Variants in CDA observed in about 807,000 individuals in gnomAD.
CDA encodes the protein cytidine deaminase, also known as cytidine aminohydrolase.
CDA carries 7 observed loss-of-function variants against 15.0 expected under a neutral mutation model. That is an observed-to-expected ratio of 0.47 (90% CI 0.26 to 0.87). CDA has a LOEUF of 0.87. CDA is among the 40% of genes least tolerant of loss of function. The pLI is 0.15. For synonymous variants in CDA, 58 were observed against 73.0 expected (o/e 0.79, Z 1.05); for missense variants, 159 against 182.7 (o/e 0.87, Z 0.75).
chr1:20,593,762 A>T (rs1466357354), intron 1 of CDA, among the ~76,000 whole-genome samples: 1 of 152,144 alleles, frequency 6.6e-6, no homozygotes, highest in Non-Finnish European at 1.5e-5. Context: ...TTTTATAGCG[A>T]TGAGGTCTTG....
intron 1 of CDA, among the ~76,000 whole-genome samples, chr1:20,591,837 G>T (rs1208426943): frequency 6.9e-6 from 1 of 145,002 alleles, no homozygotes; most frequent in African/African-American, 2.6e-5. Flanking sequence ...ATTTATTTAT[G>T]GGTTTTTTTT....
rs937616505 is a variant in CDA, at chr1:20,605,005, G to A, written c.232G>A (p.Gly78Arg). 1 of 1,613,734 alleles carries A rather than the reference G, an allele frequency of 6.2e-7. No individual in the cohort carries two copies. Among genetic ancestry groups the A allele is most frequent in the Non-Finnish European group, 8.5e-7 (1 of 1,179,822 alleles). ...CGCTATCCAGAAGGCCGTCTCAGAA[G>A]GGTACAAGGATTTCAGGGCAATTGC... ...RTAIQKAVSE[G>R]YKDFRAIAIA... is the part of the protein sequence containing the mutation. Residue 78 changes from glycine (G) to arginine (R), a missense_variant, in exon 2 of 4, where the codon GGG becomes AGG. Physicochemically the swap from Gly to Arg is moderately radical, Grantham distance 125 (BLOSUM62 -2). Coordinates refer to ENST00000375071, the MANE Select transcript of CDA (RefSeq NM_001785.3).
intron 1 of CDA, among the ~76,000 whole-genome samples, chr1:20,595,032 G>T (rs2052581026): frequency 6.6e-6 from 1 of 152,110 alleles, no homozygotes; most frequent in African/African-American, 2.4e-5. Flanking sequence ...GCCAGAAAGG[G>T]TCCCAGGATG....
At chr1:20,610,261 C>CTTTTTTTTTTTTTTTTTTT (rs760754305) in intron 2 of CDA, among the ~76,000 whole-genome samples, 9 of 62,924 alleles carry the variant, frequency 1.4e-4, no homozygotes, top group Admixed American at 2.2e-4. Context: ...CACACATTAT[C>CTTTTTTTTTTTTTTTTTTT]TTTTTTTTTT....
At chr1:20,599,188 G>T (rs952497186) in intron 1 of CDA, among the ~76,000 whole-genome samples, 2 of 152,176 alleles carry the variant, frequency 1.3e-5, no homozygotes, top group Admixed American at 1.3e-4. Context: ...AGGCCCTGTG[G>T]CAGGAGCATA....
intron 1 of CDA, among the ~76,000 whole-genome samples, chr1:20,602,412 A>C (rs2052652748): frequency 6.8e-6 from 1 of 145,994 alleles, no homozygotes; most frequent in African/African-American, 2.6e-5. Flanking sequence ...TCACACCCAC[A>C]TCATGGTTTT....
chr1:20,611,658 C>T (rs750198698), intron 2 of CDA, among the ~76,000 whole-genome samples: 25 of 152,072 alleles, frequency 1.6e-4, no homozygotes, highest in Non-Finnish European at 3.5e-4. Context: ...GGATTATAGG[C>T]GTGAGCCACT....
chr1:20,607,087 T>C (rs2052701062), intron 2 of CDA, among the ~76,000 whole-genome samples: 1 of 152,146 alleles, frequency 6.6e-6, no homozygotes, highest in African/African-American at 2.4e-5. Flanking sequence ...TGGAGTTAAT[T>C]CCTGTGGTAG....
At chr1:20,594,379 C>A (rs548174144) in intron 1 of CDA, among the ~76,000 whole-genome samples, 1 of 151,134 alleles carries the variant, frequency 6.6e-6, no homozygotes, top group African/African-American at 2.4e-5. Flanking sequence ...TGGGGAGAGC[C>A]GAGGGAGAGG....
At chr1:20,596,959 G>T (rs1336308926) in intron 1 of CDA, among the ~76,000 whole-genome samples, 1 of 151,872 alleles carries the variant, frequency 6.6e-6, no homozygotes, top group Non-Finnish European at 1.5e-5. Flanking sequence ...ACTGGGTTTT[G>T]ACATGTTGCC....
chr1:20,592,230 C>T (rs1037438587), intron 1 of CDA, among the ~76,000 whole-genome samples: 2 of 152,118 alleles, frequency 1.3e-5, no homozygotes, highest in Admixed American at 6.6e-5. Flanking sequence ...ATGCCTGGCA[C>T]GACACGGCAT....
intron 2 of CDA, among the ~76,000 whole-genome samples, chr1:20,607,600 G>A (rs993143643): frequency 6.6e-6 from 1 of 152,206 alleles, no homozygotes; most frequent in African/African-American, 2.4e-5. Flanking sequence ...CCAAATGAGA[G>A]GCTTTTTCTC....
At position 20,604,982 on chromosome 1, in the gene CDA, C is replaced by A. The variant is rs1489631442; in HGVS notation, c.209C>A (p.Ala70Asp). The A allele has an allele frequency of 4.3e-6, 7 of 1,614,040 alleles. No homozygotes were observed. In the South Asian group the frequency reaches 7.7e-5, roughly 18 times the overall value. ...CTGGGCATCTGTGCTGAACGGACCG[C>A]TATCCAGAAGGCCGTCTCAGAAGGG... Reference protein sequence around the residue: ...YPLGICAERTAIQKAVSEGYK... With the variant: ...YPLGICAERTDIQKAVSEGYK... Residue 70 changes from alanine (A) to aspartate (D), a missense_variant, in exon 2 of 4, where the codon GCT (alanine) becomes GAT (aspartate). Coordinates refer to ENST00000375071, the MANE Select transcript of CDA (RefSeq NM_001785.3).
At chr1:20,612,983 T>C (rs1346918066) in intron 2 of CDA, among the ~76,000 whole-genome samples, 1 of 149,716 alleles carries the variant, frequency 6.7e-6, no homozygotes, top group Admixed American at 6.7e-5. Flanking sequence ...GGACTCTCTT[T>C]ACACAGACGT....
At chr1:20,592,441 G>A (rs372078873) in intron 1 of CDA, among the ~76,000 whole-genome samples, 1 of 152,218 alleles carries the variant, frequency 6.6e-6, no homozygotes, top group Non-Finnish European at 1.5e-5. Context: ...GAGGCAGATT[G>A]TGGAGGACTT....
In CDA at chr1:20,613,838, C is replaced by A; in HGVS notation, c.267-4C>A. 1 of 1,613,746 alleles carries A rather than the reference C, an allele frequency of 6.2e-7. No individual in the cohort carries two copies. The highest frequency in any genetic ancestry group is 1.1e-5 in the South Asian group (1 of 91,042). ...AATTTGAGTTTGATTCTTTGCTTCC[C>A]CAGTGACATGCAAGATGATTTTATC... On this transcript the variant is annotated splice_region_variant and splice_polypyrimidine_tract_variant and intron_variant, in intron 2 of 3. Transcript: ENST00000375071.
At chr1:20,600,125 A>G (rs1481111194) in intron 1 of CDA, among the ~76,000 whole-genome samples, 1 of 152,212 alleles carries the variant, frequency 6.6e-6, no homozygotes, top group African/African-American at 2.4e-5. Flanking sequence ...ACACAAAGTA[A>G]AGGAAGATTT....
intron 2 of CDA, among the ~76,000 whole-genome samples, chr1:20,610,840 G>A (rs1414636721): frequency 2.6e-5 from 4 of 152,110 alleles, no homozygotes; most frequent in East Asian, 1.9e-4. Context: ...AGCAGATGAC[G>A]TATCATCCAC....
At chr1:20,597,804 C>T (rs1025722145) in intron 1 of CDA, among the ~76,000 whole-genome samples, 1 of 151,846 alleles carries the variant, frequency 6.6e-6, no homozygotes, top group South Asian at 2.1e-4. Context: ...AGACAGCCTG[C>T]TTTCTGGGCT....
Sources: gnomAD v4.1 joint callset for allele counts (sites outside exome capture counted in the v4.1 genomes callset) on GRCh38, gnomAD v4.1.1 for gene constraint, MANE v1.5 for transcripts, NCBI Gene and HGNC (gene_info 2026-07-23, HGNC 2026-07-21) for gene names.